TDRP: variants seen among roughly 807,000 people sequenced by gnomAD.
The protein encoded by TDRP is testis development related protein, also known as testis development-related protein.
A neutral mutation model predicts 10.5 loss-of-function variants in TDRP; 12 were observed. The observed-to-expected ratio is 1.15, with a 90% CI of 0.73 to 1.86. TDRP has a LOEUF of 1.86. Ranked by LOEUF, TDRP falls within the 40% of genes most tolerant of loss-of-function variation. The pLI is 0.00. For synonymous variants in TDRP, 139 were observed against 95.4 expected (o/e 1.46, Z -2.67); for missense variants, 353 against 229.2 (o/e 1.54, Z -3.49).
At chr8:499,134 G>T (rs1416008329) in intron 1 of TDRP, among the ~76,000 whole-genome samples, 1 of 152,128 alleles carries the variant, frequency 6.6e-6, no homozygotes, top group South Asian at 2.1e-4. Flanking sequence ...GAGAATTATT[G>T]AAATATAAAT....
chr8:523,756 C>T (rs1801966712), intron 1 of TDRP, among the ~76,000 whole-genome samples: 1 of 152,134 alleles, frequency 6.6e-6, no homozygotes, highest in Non-Finnish European at 1.5e-5. Flanking sequence ...TGTCTAGTGG[C>T]TGGAGTGCCA....
rs147979797 is a variant in TDRP, at chr8:516,515, C to T, written c.109-21918G>A. On this transcript the variant is annotated intron_variant, in intron 1 of 2. Coordinates refer to ENST00000324079, the MANE Select transcript of TDRP (RefSeq NM_001384899.1). ...AATAAGCATCTGAAAAGATGCTCCA[C>T]AACATCTGTCATCAGGGAAATGCAA... Among the ~76,000 whole-genome samples, 52 of 152,290 alleles carry T rather than the reference C, an allele frequency of 3.4e-4. No individual in the cohort carries two copies. In the East Asian group the frequency reaches 8.7e-3, roughly 25 times the overall value.
intron 1 of TDRP, among the ~76,000 whole-genome samples, chr8:541,372 T>C (rs1406818554): frequency 2.0e-5 from 3 of 152,174 alleles, no homozygotes; most frequent in Non-Finnish European, 4.4e-5. Flanking sequence ...TTTTTCAATA[T>C]AATACCAAAG....
chr8:515,135 G>C (rs1039441918), intron 1 of TDRP, among the ~76,000 whole-genome samples: 1 of 152,140 alleles, frequency 6.6e-6, no homozygotes, highest in Non-Finnish European at 1.5e-5. Context: ...TCACCAAAGA[G>C]AAGACGGCAC....
chr8:511,466 A>G (rs950209284), intron 1 of TDRP, among the ~76,000 whole-genome samples: 5 of 152,220 alleles, frequency 3.3e-5, no homozygotes, highest in African/African-American at 1.2e-4. Flanking sequence ...AACAAAATAC[A>G]AGAAACAAAA....
intron 1 of TDRP, among the ~76,000 whole-genome samples, chr8:501,011 C>T (rs1256313275): frequency 3.3e-5 from 5 of 152,092 alleles, no homozygotes; most frequent in Non-Finnish European, 4.4e-5. Context: ...TCGAGACCAT[C>T]CTGGCTAACA....
intron 1 of TDRP, among the ~76,000 whole-genome samples, chr8:525,829 C>T (rs963012668): frequency 5.9e-5 from 9 of 152,200 alleles, no homozygotes; most frequent in Non-Finnish European, 1.2e-4. Flanking sequence ...TTATCAATAA[C>T]ACTGAATGTA....
In TDRP at chr8:494,693, A is replaced by C. The variant is rs921119298; in HGVS notation, c.109-96T>G. ...AACCATGGAGTTGAAATTTAGAAAAAAGAATTGGCAGAGCTTACATCTTAG... is the reference window on the plus strand; with the variant it reads ...AACCATGGAGTTGAAATTTAGAAAACAGAATTGGCAGAGCTTACATCTTAG... On this transcript the variant is annotated intron_variant, in intron 1 of 2. Coordinates refer to ENST00000324079, the MANE Select transcript of TDRP (RefSeq NM_001384899.1). 16 of 1,088,278 alleles carry C rather than the reference A, an allele frequency of 1.5e-5. No individual in the cohort carries two copies. In the African/African-American group the frequency reaches 2.3e-4, roughly 16 times the overall value. The allele number at this position is 1,088,278 out of a possible 1,614,324, so 67.4% of individuals were successfully genotyped here. A position where few individuals can be genotyped will look rare whatever the true frequency, so the allele number is the denominator to read the frequency against.
At chr8:539,194 T>C (rs1018377802) in intron 1 of TDRP, among the ~76,000 whole-genome samples, 1 of 152,082 alleles carries the variant, frequency 6.6e-6, no homozygotes, top group African/African-American at 2.4e-5. Context: ...CAGGTGGGTA[T>C]GTAAGAGGTG....
chr8:537,304 G>A (rs566719995), intron 1 of TDRP, among the ~76,000 whole-genome samples: 5 of 152,308 alleles, frequency 3.3e-5, no homozygotes, highest in South Asian at 2.1e-4. Context: ...AGTGAGAAGT[G>A]CCTGAATGCA....
intron 1 of TDRP, 75 bp from the exon 2 acceptor site, chr8:494,672 A>G: frequency 3.0e-6 from 4 of 1,311,992 alleles, no homozygotes; most frequent in Non-Finnish European, 4.3e-6. Flanking sequence ...TCCAATAACC[A>G]TGGAGTTGAA....
chr8:499,088 C>T (rs1165758090), intron 1 of TDRP, among the ~76,000 whole-genome samples: 3 of 152,034 alleles, frequency 2.0e-5, no homozygotes, highest in Non-Finnish European at 2.9e-5. Context: ...CCCTAAGATT[C>T]CATTTCTGGT....
At chr8:544,617 C>G in intron 1 of TDRP, 33 bp downstream of exon 1, 1 of 1,221,030 alleles carries the variant, frequency 8.2e-7, no homozygotes, top group Non-Finnish European at 1.0e-6. Context: ...CGCCCCCGGC[C>G]TACTAGCACT....
chr8:513,736 C>T (rs1801678484), intron 1 of TDRP, among the ~76,000 whole-genome samples: 4 of 152,138 alleles, frequency 2.6e-5, no homozygotes, highest in South Asian at 4.2e-4. Context: ...TGATCTTTTG[C>T]ATACAAAATA....
At chr8:508,409 G>C (rs1801523593) in intron 1 of TDRP, among the ~76,000 whole-genome samples, 1 of 152,180 alleles carries the variant, frequency 6.6e-6, no homozygotes, top group South Asian at 2.1e-4. Context: ...AGTTCCACAT[G>C]GCTGGGAAGG....
chr8:534,319 G>C (rs971573971), intron 1 of TDRP, among the ~76,000 whole-genome samples: 1 of 152,198 alleles, frequency 6.6e-6, no homozygotes, highest in Non-Finnish European at 1.5e-5. Context: ...AATTATTGCT[G>C]TTAAGGGAAA....
intron 1 of TDRP, among the ~76,000 whole-genome samples, chr8:528,807 A>G (rs1016300893): frequency 6.6e-6 from 1 of 151,966 alleles, no homozygotes; most frequent in Admixed American, 6.6e-5. Flanking sequence ...ATATATAACT[A>G]TGTGTGTGTG....
At chr8:512,304 A>T (rs1584865394) in intron 1 of TDRP, among the ~76,000 whole-genome samples, 1 of 151,802 alleles carries the variant, frequency 6.6e-6, no homozygotes, top group Admixed American at 6.6e-5. Context: ...ATGGTGGCAC[A>T]CACCTGTAGT....
At chr8:537,068 CCA>C (rs1584884544) in intron 1 of TDRP, among the ~76,000 whole-genome samples, 1 of 152,350 alleles carries the variant, frequency 6.6e-6, no homozygotes, top group East Asian at 1.9e-4. Flanking sequence ...GCTCCAGACT[CCA>C]GAGTTCCCAC....
Sources: gnomAD v4.1 joint callset for allele counts (sites outside exome capture counted in the v4.1 genomes callset) on GRCh38, gnomAD v4.1.1 for gene constraint, MANE v1.5 for transcripts, NCBI Gene and HGNC (gene_info 2026-07-23, HGNC 2026-07-21) for gene names.